The following CRTC1 variants were observed in gnomAD, a reference collection of about 807,000 sequenced individuals.
CRTC1 encodes the protein CREB-regulated transcription coactivator 1.
CRTC1 carries 18 observed loss-of-function variants against 66.1 expected under a neutral mutation model. The observed-to-expected ratio is 0.27, with a 90% confidence interval of 0.19 to 0.40. The LOEUF (loss-of-function observed/expected upper bound fraction) is 0.40. Among genes scored for constraint, CRTC1 ranks in the 10% least tolerant of loss-of-function variants. The probability of loss-of-function intolerance (pLI) is 1.00; values close to 1 mark genes in which losing one functional copy is unlikely to be tolerated. For synonymous variants in CRTC1, 416 were observed against 398.8 expected, an observed-to-expected ratio of 1.04 and a Z score of -0.51; for missense variants, 669 against 887.9, an observed-to-expected ratio of 0.75 and a Z score of 3.13.
At chr19:18,724,372 G>A (rs2053696659) in intron 1 of CRTC1, among the ~76,000 whole-genome samples, 1 of 152,100 alleles carries the variant, frequency 6.6e-6, no homozygotes, top group African/African-American at 2.4e-5. Context: ...GACCTGGGGT[G>A]TTCAGGTTCT....
At chr19:18,776,576 A>T (rs1290929239) in intron 13 of CRTC1, among the ~76,000 whole-genome samples, 2 of 152,180 alleles carry the variant, frequency 1.3e-5, no homozygotes, top group African/African-American at 4.8e-5. Flanking sequence ...GCAGCAGTTG[A>T]CGAGAAATTC....
At chr19:18,748,581 T>A (rs1235692773) in intron 4 of CRTC1, among the ~76,000 whole-genome samples, 1 of 143,034 alleles carries the variant, frequency 7.0e-6, no homozygotes, top group East Asian at 2.3e-4. Context: ...ACACCTGTAA[T>A]CCCAGCACTT....
intron 10 of CRTC1, among the ~76,000 whole-genome samples, chr19:18,769,320 C>T (rs1215359232): frequency 6.6e-6 from 1 of 152,222 alleles, no homozygotes; most frequent in African/African-American, 2.4e-5. Context: ...TGGGCTTTAA[C>T]CCTGTACCCA....
intron 2 of CRTC1, chr19:18,744,213 G>T (rs1470659197): frequency 1.5e-5 from 24 of 1,552,582 alleles, no homozygotes; most frequent in Middle Eastern, 1.8e-4. Flanking sequence ...GCAAGACCCC[G>T]ACCCGTGTGC....
At chr19:18,739,310 C>T (rs2054063861) in intron 1 of CRTC1, among the ~76,000 whole-genome samples, 1 of 152,244 alleles carries the variant, frequency 6.6e-6, no homozygotes. Flanking sequence ...CCCTCCAGAG[C>T]TAGCCGCTGG....
chr19:18,736,127 GGCTCTT>G (rs1052400440), intron 1 of CRTC1, among the ~76,000 whole-genome samples: 2 of 152,204 alleles, frequency 1.3e-5, no homozygotes, highest in East Asian at 3.9e-4. Context: ...GGAGGATGAA[GGCTCTT>G]GCCCTGTGGG....
Position 18,774,938 on chromosome 19 carries a change from C to CA in CRTC1, c.1464_1465insA (p.Tyr489IlefsTer2). 6.2e-7 allele frequency: 1 copy of CA among 1,610,292 alleles called. No homozygotes were observed. The highest frequency in any genetic ancestry group is 8.5e-7 in the Non-Finnish European group (1 of 1,180,016). On this transcript the variant is annotated frameshift_variant, in exon 12 of 14. Coordinates refer to ENST00000321949, the MANE Select transcript of CRTC1 (RefSeq NM_015321.3). LOFTEE classifies it high-confidence loss of function. ...TGGGCAGCGTGTTTGGGGACGCGTA[C>CA]TATGAGCAGCAGATGGCGGCCAGGC...
At chr19:18,767,441 A>G (rs1367318065) in intron 9 of CRTC1, among the ~76,000 whole-genome samples, 1 of 152,034 alleles carries the variant, frequency 6.6e-6, no homozygotes, top group African/African-American at 2.4e-5. Flanking sequence ...TCAAGTGATC[A>G]CCCTGTCTCA....
intron 6 of CRTC1, 28 bp from the exon 7 acceptor site, chr19:18,759,523 G>A (rs757487277): frequency 1.1e-5 from 17 of 1,609,680 alleles, no homozygotes; most frequent in Non-Finnish European, 1.4e-5. Flanking sequence ...GTGCCCCAGG[G>A]CTCAGGCTCT....
intron 9 of CRTC1, among the ~76,000 whole-genome samples, chr19:18,765,758 C>T (rs986228946): frequency 1.3e-5 from 2 of 152,070 alleles, no homozygotes; most frequent in Non-Finnish European, 2.9e-5. Flanking sequence ...GTCAGGAGTT[C>T]GAGACCAGCC....
chr19:18,737,441 G>T (rs1337929919), intron 1 of CRTC1, among the ~76,000 whole-genome samples: 5 of 152,084 alleles, frequency 3.3e-5, no homozygotes, highest in Admixed American at 2.0e-4. Flanking sequence ...CCCAGGAGGG[G>T]CCATGTGACT....
Position 18,765,579 on chromosome 19 carries a change from G to A in CRTC1, c.1011+51G>A, listed in dbSNP as rs780721796. 8 of 1,556,608 alleles carry A rather than the reference G, an allele frequency of 5.1e-6. No individual in the cohort carries two copies. In the African/African-American group the frequency reaches 1.1e-4, roughly 21 times the overall value. Reference sequence around the variant, plus strand: ...TGGGAGGGGGAAAGGGAAAGGTGGAGGCCTGGCTCTACCTCTTAGAAGGCC... The same window carrying A: ...TGGGAGGGGGAAAGGGAAAGGTGGAAGCCTGGCTCTACCTCTTAGAAGGCC... On this transcript the variant is annotated intron_variant, in intron 9 of 13. Coordinates refer to ENST00000321949, the MANE Select transcript of CRTC1 (RefSeq NM_015321.3).
At chr19:18,727,266 A>AC in intron 1 of CRTC1, among the ~76,000 whole-genome samples, 1 of 150,548 alleles carries the variant, frequency 6.6e-6, no homozygotes, top group Non-Finnish European at 1.5e-5. Flanking sequence ...ACAAGGCAAA[A>AC]CAGAGGCACA....
At chr19:18,705,728 A>C (rs573860905) in intron 1 of CRTC1, among the ~76,000 whole-genome samples, 3 of 152,300 alleles carry the variant, frequency 2.0e-5, no homozygotes, top group Non-Finnish European at 1.5e-5. Flanking sequence ...TATCCTCAAT[A>C]ACACTTGTTA....
intron 1 of CRTC1, among the ~76,000 whole-genome samples, chr19:18,684,380 G>A (rs1241694653): frequency 6.6e-6 from 1 of 152,090 alleles, no homozygotes; most frequent in Non-Finnish European, 1.5e-5. Context: ...GCTACCTGAG[G>A]GGGACCGGTG....
intron 1 of CRTC1, among the ~76,000 whole-genome samples, chr19:18,694,412 T>C (rs1600758611): frequency 1.3e-5 from 2 of 152,260 alleles, no homozygotes; most frequent in Admixed American, 1.3e-4. Context: ...CGTCTCTTTA[T>C]TTTATTAGAA....
chr19:18,756,100 G>A lies in CRTC1; in HGVS notation c.624+2515G>A, dbSNP rs573211920. Among the ~76,000 whole-genome samples the A allele has an allele frequency of 7.9e-5, 12 of 152,162 alleles. No individual in the cohort carries two copies. The South Asian group carries it at 2.5e-3, about 32-fold the overall frequency. On this transcript the variant is annotated intron_variant, in intron 6 of 13. Coordinates refer to ENST00000321949, the MANE Select transcript of CRTC1 (RefSeq NM_015321.3). Reference sequence around the variant, plus strand: ...TGTAATCCCAGCACTTTGGGAGGCCGAGGCTGGTGGATCACCTGAGGTCAG... The same window carrying A: ...TGTAATCCCAGCACTTTGGGAGGCCAAGGCTGGTGGATCACCTGAGGTCAG...
chr19:18,745,672 G>A, intron 2 of CRTC1, 151 bp from the exon 3 acceptor site: 1 of 990,854 alleles, frequency 1.0e-6, no homozygotes, highest in East Asian at 2.4e-5. Context: ...TGGGGCTGAA[G>A]GAAGAAGCCC....
intron 1 of CRTC1, among the ~76,000 whole-genome samples, chr19:18,733,002 A>C (rs991104768): frequency 6.6e-6 from 1 of 151,808 alleles, no homozygotes; most frequent in Non-Finnish European, 1.5e-5. Context: ...CAGGAGGATC[A>C]TTTGAATCCA....
Sources: allele counts gnomAD v4.1 joint callset (sites outside exome capture counted in the v4.1 genomes callset), GRCh38; gene constraint gnomAD v4.1.1; transcripts MANE v1.5; gene names NCBI Gene and HGNC (gene_info 2026-07-23, HGNC 2026-07-21).